The following SLC39A12 variants were observed in gnomAD, a reference collection of about 807,000 sequenced individuals.
The protein encoded by SLC39A12 is solute carrier family 39 member 12.
SLC39A12 carries 63 observed loss-of-function variants against 71.1 expected under a neutral mutation model. The observed-to-expected ratio is 0.89, with a 90% CI of 0.72 to 1.09. The LOEUF is 1.09. Ranked by LOEUF, SLC39A12 falls within the 50% of genes least tolerant of loss-of-function variation. SLC39A12 has a pLI of 0.00. For missense variants in SLC39A12, 892 were observed against 812.6 expected (o/e 1.10, Z -1.19); for synonymous variants, 351 against 301.3 (o/e 1.16, Z -1.71).
chr10:17,954,719 A>T (rs1418143696), intron 2 of SLC39A12, among the ~76,000 whole-genome samples: 1 of 152,182 alleles, frequency 6.6e-6, no homozygotes, highest in Non-Finnish European at 1.5e-5. Flanking sequence ...TTTTAGGACG[A>T]ACCCATAAAT....
chr10:17,975,699 G>A (rs960177727), intron 4 of SLC39A12, among the ~76,000 whole-genome samples: 6 of 152,092 alleles, frequency 3.9e-5, no homozygotes, highest in Non-Finnish European at 5.9e-5. Context: ...CCCCACTGTC[G>A]AAGTCCAGTG....
chr10:17,972,307 G>T lies in SLC39A12; in HGVS notation c.752-5595G>T, dbSNP rs556011565. Among the ~76,000 whole-genome samples the T allele has an allele frequency of 4.6e-5, 7 of 152,260 alleles. No individual in the cohort carries two copies. In the South Asian group the frequency reaches 1.4e-3, roughly 32 times the overall value. On this transcript the variant is annotated intron_variant, in intron 4 of 12. Coordinates refer to ENST00000377369, the MANE Select transcript of SLC39A12 (RefSeq NM_001145195.2). The stretch of plus-strand genomic sequence containing the variant: ...TGCTGAAGAAAAGAATGTTTATTCT[G>T]CAGCTGTTGGATGAAATGTTCTGTA...
rs768961012 is a variant in SLC39A12, at chr10:17,977,989, A to G, written c.839A>G (p.Asn280Ser). 31 of 1,611,958 alleles carry G rather than the reference A, an allele frequency of 1.9e-5. No homozygotes were observed. In the South Asian group the frequency reaches 3.1e-4, roughly 16 times the overall value. ...KIHQFQRKQN[N>S]IITHDQDYSN... is the part of the protein sequence containing the mutation. Reference sequence around the variant, plus strand: ...CATCAATTTCAAAGGAAACAAAACAACATAATAACCCATGATCAGGACTAT... The same window carrying G: ...CATCAATTTCAAAGGAAACAAAACAGCATAATAACCCATGATCAGGACTAT... The change falls in exon 5 of 13, where the codon AAC becomes AGC. Residue 280 changes from asparagine (N) to serine (S), a missense_variant. Transcript: ENST00000377369.
intron 12 of SLC39A12, among the ~76,000 whole-genome samples, chr10:18,011,176 G>A (rs1836210088): frequency 6.6e-6 from 1 of 151,920 alleles, no homozygotes; most frequent in Non-Finnish European, 1.5e-5. Flanking sequence ...TGCAGCCTCT[G>A]CCTCCCAGGT....
At chr10:18,026,235 G>A (rs79075928) in intron 12 of SLC39A12, among the ~76,000 whole-genome samples, 8,955 of 152,120 alleles carry the variant, frequency 0.059, 374 homozygotes, top group Middle Eastern at 0.13. Context: ...AGAAGGCATG[G>A]CTACTGGCAA....
At chr10:18,009,142 T>C (rs1836125683) in intron 12 of SLC39A12, among the ~76,000 whole-genome samples, 1 of 152,132 alleles carries the variant, frequency 6.6e-6, no homozygotes, top group Admixed American at 6.6e-5. Context: ...CTTTAGGCAT[T>C]TTTCCTAGGG....
At position 18,043,003 on chromosome 10, in the gene SLC39A12, T is replaced by C; in HGVS notation, c.*170T>C. The C allele has an allele frequency of 2.2e-6, 1 of 457,430 alleles. No homozygotes were observed. The highest frequency in any genetic ancestry group is 2.0e-5 in the African/African-American group (1 of 48,896). The allele number at this position is 457,430 out of a possible 1,614,324, so 28.3% of individuals were successfully genotyped here. The stretch of plus-strand genomic sequence containing the variant: ...TAATGCAGTTTTATTTTTGGAAACA[T>C]ATAAATATCAGACTGTCCTTAATTG... On this transcript the variant is annotated 3_prime_UTR_variant, in exon 13 of 13. Coordinates refer to ENST00000377369, the MANE Select transcript of SLC39A12 (RefSeq NM_001145195.2).
At chr10:18,011,842 G>A (rs1466555589) in intron 12 of SLC39A12, among the ~76,000 whole-genome samples, 3 of 152,140 alleles carry the variant, frequency 2.0e-5, no homozygotes, top group Non-Finnish European at 4.4e-5. Flanking sequence ...TTCATGAATT[G>A]CCTTGAGAAG....
chr10:18,000,805 A>G lies in SLC39A12; in HGVS notation c.1739A>G (p.His580Arg), dbSNP rs375280461. The part of the protein sequence containing the change: ...GVTTTIAILC[H>R]EIPHEMGDFA... The stretch of plus-strand genomic sequence containing the variant: ...ACCACTACGATTGCTATCTTGTGTC[A>G]TGAAATCCCACATGAAATGGGTAAG... The change falls in exon 11 of 13, where the codon CAT becomes CGT. Residue 580 changes from histidine (H) to arginine (R), a missense_variant. By Grantham distance (29) the His-to-Arg change is conservative. Transcript: ENST00000377369. 1 of 1,614,000 alleles carries G rather than the reference A, an allele frequency of 6.2e-7. No individual in the cohort carries two copies. The highest frequency in any genetic ancestry group is 8.5e-7 in the Non-Finnish European group (1 of 1,179,928).
chr10:18,004,150 C>G (rs561926181), intron 12 of SLC39A12, among the ~76,000 whole-genome samples: 1 of 152,242 alleles, frequency 6.6e-6, no homozygotes, highest in East Asian at 1.9e-4. Flanking sequence ...GAAGGTCACT[C>G]TCTATTGGGC....
chr10:17,984,284 C>A (rs1835347061), intron 6 of SLC39A12, among the ~76,000 whole-genome samples: 1 of 152,190 alleles, frequency 6.6e-6, no homozygotes, highest in Non-Finnish European at 1.5e-5. Flanking sequence ...CATAGAGAAT[C>A]TAAAAAGATT....
chr10:17,976,021 C>G (rs546421458), intron 4 of SLC39A12, among the ~76,000 whole-genome samples: 1 of 152,174 alleles, frequency 6.6e-6, no homozygotes, highest in Non-Finnish European at 1.5e-5. Flanking sequence ...GCTCTCTGCA[C>G]CACACTGCTG....
intron 12 of SLC39A12, among the ~76,000 whole-genome samples, chr10:18,020,339 G>C (rs1000410256): frequency 6.6e-6 from 1 of 151,920 alleles, no homozygotes; most frequent in Non-Finnish European, 1.5e-5. Context: ...TGGTGTATTT[G>C]TACCATATTT....
At chr10:17,957,845 G>T (rs12244336) in intron 2 of SLC39A12, among the ~76,000 whole-genome samples, 1 of 152,034 alleles carries the variant, frequency 6.6e-6, no homozygotes, top group Non-Finnish European at 1.5e-5. Context: ...AATTCTTTAC[G>T]ATTCAAATAT....
At chr10:18,014,784 G>A (rs184493676) in intron 12 of SLC39A12, among the ~76,000 whole-genome samples, 2 of 152,288 alleles carry the variant, frequency 1.3e-5, no homozygotes, top group Non-Finnish European at 2.9e-5. Flanking sequence ...TAAAGTTTGT[G>A]ATAGTGAATG....
chr10:18,020,458 A>T (rs1836504232), intron 12 of SLC39A12, among the ~76,000 whole-genome samples: 1 of 152,048 alleles, frequency 6.6e-6, no homozygotes, highest in African/African-American at 2.4e-5. Flanking sequence ...TGGTAGAATG[A>T]TTTATATTCT....
At chr10:18,003,920 G>A (rs1440101091) in intron 12 of SLC39A12, among the ~76,000 whole-genome samples, 1 of 152,150 alleles carries the variant, frequency 6.6e-6, no homozygotes, top group African/African-American at 2.4e-5. Flanking sequence ...AGTTTGAATT[G>A]CCAAAAGGAC....
intron 12 of SLC39A12, among the ~76,000 whole-genome samples, chr10:18,030,333 G>T (rs1189254798): frequency 6.6e-6 from 1 of 151,634 alleles, no homozygotes; most frequent in Non-Finnish European, 1.5e-5. Flanking sequence ...CGCCTCCCAG[G>T]TTCATGCCAT....
chr10:18,012,860 C>T (rs1249869294), intron 12 of SLC39A12, among the ~76,000 whole-genome samples: 5 of 84,054 alleles, frequency 5.9e-5, no homozygotes, highest in African/African-American at 1.0e-4. Context: ...GGTGAGACTA[C>T]GTCTCAAAAA....
Sources: gnomAD v4.1 joint callset for allele counts (sites outside exome capture counted in the v4.1 genomes callset) on GRCh38, gnomAD v4.1.1 for gene constraint, MANE v1.5 for transcripts, NCBI Gene and HGNC (gene_info 2026-07-23, HGNC 2026-07-21) for gene names.